Variants in HSD17B13 observed in about 807,000 individuals in gnomAD.
HSD17B13 encodes the protein hydroxysteroid 17-beta dehydrogenase 13.
HSD17B13 carries 26 observed loss-of-function variants against 31.1 expected under a neutral mutation model. The ratio of observed to expected loss-of-function variants is 0.84; its 90% CI spans 0.61 to 1.16. The LOEUF (loss-of-function observed/expected upper bound fraction) is 1.16. Ranked by LOEUF, HSD17B13 falls within the 50% of genes most tolerant of loss-of-function variation. The pLI, the probability that HSD17B13 is intolerant of heterozygous loss-of-function variation, is 0.00. For synonymous variants in HSD17B13, 141 were observed against 133.7 expected (o/e 1.05, Z -0.38); for missense variants, 374 against 366.5 (o/e 1.02, Z -0.17).
chr4:87,322,333 C>T (rs1323094682), intron 1 of HSD17B13, among the ~76,000 whole-genome samples: 1 of 152,204 alleles, frequency 6.6e-6, no homozygotes, highest in African/African-American at 2.4e-5. Context: ...ATCCCCACTT[C>T]AGAGCCAAGA....
chr4:87,321,039 A>AT (rs971162699), intron 1 of HSD17B13, among the ~76,000 whole-genome samples: 24 of 151,666 alleles, frequency 1.6e-4, no homozygotes, highest in African/African-American at 4.4e-4. Context: ...GTCTTTTTTT[A>AT]TTTTTTTTGA....
At position 87,305,186 on chromosome 4, in the gene HSD17B13, C is replaced by G; in HGVS notation, c.*32G>C. ...GATTCGAAACTATTCATATCATTAT[C>G]ATGCATACATCTCTGGCTGGAGCTT... On this transcript the variant is annotated 3_prime_UTR_variant, in exon 7 of 7. Transcript: ENST00000328546. 1 of 1,330,166 alleles carries G rather than the reference C, an allele frequency of 7.5e-7. No individual in the cohort carries two copies. Among genetic ancestry groups the G allele is most frequent in the South Asian group, 1.3e-5 (1 of 79,538 alleles). The allele number at this position is 1,330,166 out of a possible 1,614,324, so 82.4% of individuals were successfully genotyped here.
intron 6 of HSD17B13, among the ~76,000 whole-genome samples, chr4:87,308,485 TAAAAAAAAAAAAAAAAAAAAAA>T (rs893354684): frequency 2.1e-3 from 69 of 33,212 alleles, no homozygotes; most frequent in South Asian, 0.019. Flanking sequence ...CCGTCTCTAC[TAAAAAAAAAAAAAAAAAAAAAA>T]AAAAAAAAAA....
intron 6 of HSD17B13, among the ~76,000 whole-genome samples, chr4:87,307,407 T>C (rs1214282297): frequency 6.6e-6 from 1 of 152,224 alleles, no homozygotes; most frequent in Non-Finnish European, 1.5e-5. Flanking sequence ...TCAATATTAA[T>C]ATGACTTGCT....
At chr4:87,316,049 T>A (rs1734642842) in intron 3 of HSD17B13, among the ~76,000 whole-genome samples, 1 of 152,232 alleles carries the variant, frequency 6.6e-6, no homozygotes, top group Non-Finnish European at 1.5e-5. Context: ...TACACCACAC[T>A]AATGAATCAT....
intron 1 of HSD17B13, among the ~76,000 whole-genome samples, chr4:87,318,952 G>A (rs965030409): frequency 6.6e-6 from 1 of 151,896 alleles, no homozygotes; most frequent in African/African-American, 2.4e-5. Context: ...AGGCCGAGGA[G>A]GGTGGATCAC....
At chr4:87,319,358 G>A (rs1241292829) in intron 1 of HSD17B13, among the ~76,000 whole-genome samples, 1 of 152,130 alleles carries the variant, frequency 6.6e-6, no homozygotes, top group Admixed American at 6.5e-5. Context: ...TTGGTTGGAG[G>A]CTGTACAGTA....
rs531058678 is a variant in HSD17B13 at position 87,304,469 on chromosome 4, G to C, written c.*749C>G. On this transcript the variant is annotated 3_prime_UTR_variant, in exon 7 of 7. Coordinates refer to ENST00000328546, the MANE Select transcript of HSD17B13 (RefSeq NM_178135.5). ...CCTAAAATTGTCTAAACATCTCTGG[G>C]ACCAAGGATATATGAAAGCATAAAT... 3 of 152,060 alleles carry C rather than the reference G, an allele frequency of 2.0e-5. No individual in the cohort carries two copies. Among genetic ancestry groups the C allele is most frequent in the Admixed American group, 6.6e-5 (1 of 15,260 alleles). 9.4% of individuals were successfully genotyped at this position (152,060 alleles called of 1,614,324 possible).
intron 4 of HSD17B13, among the ~76,000 whole-genome samples, chr4:87,314,758 A>T (rs1734613071): frequency 6.6e-6 from 1 of 152,144 alleles, no homozygotes; most frequent in African/African-American, 2.4e-5. Context: ...TGACATAGAC[A>T]TGTGTTCATT....
intron 6 of HSD17B13, among the ~76,000 whole-genome samples, chr4:87,306,714 G>C (rs1474811625): frequency 6.6e-6 from 1 of 151,984 alleles, no homozygotes; most frequent in Non-Finnish European, 1.5e-5. Flanking sequence ...AGACCAGCTT[G>C]ACCAACATGG....
At chr4:87,315,438 T>G in intron 4 of HSD17B13, 55 bp downstream of exon 4, 1 of 1,029,056 alleles carries the variant, frequency 9.7e-7, no homozygotes, top group South Asian at 1.5e-5. Flanking sequence ...ATTTGAAGTG[T>G]AATGCTCCCT....
chr4:87,321,693 T>G (rs1015965383), intron 1 of HSD17B13, among the ~76,000 whole-genome samples: 2 of 152,174 alleles, frequency 1.3e-5, no homozygotes, highest in African/African-American at 4.8e-5. Flanking sequence ...CTTTTTTGTA[T>G]AGTATTCTTC....
chr4:87,306,550 T>C (rs1189767706), intron 6 of HSD17B13, among the ~76,000 whole-genome samples: 1 of 151,822 alleles, frequency 6.6e-6, no homozygotes, highest in African/African-American at 2.4e-5. Context: ...GCTGGGATAG[T>C]GGAGGAAAGC....
chr4:87,322,607 A>G, intron 1 of HSD17B13, 25 bp downstream of exon 1: 2 of 1,471,344 alleles, frequency 1.4e-6, no homozygotes, highest in Non-Finnish European at 1.9e-6. Context: ...TGTGACTTTA[A>G]AAAGTTGGAA....
chr4:87,315,701 C>T, intron 3 of HSD17B13, 102 bp from the exon 4 acceptor site: 1 of 586,730 alleles, frequency 1.7e-6, no homozygotes, highest in Non-Finnish European at 3.0e-6. Context: ...TTTGAGAGAA[C>T]TTATACAATG....
rs116524619 is a variant in HSD17B13, at chr4:87,314,213, G to A, written c.558-253C>T. 3.4e-3 allele frequency among the ~76,000 whole-genome samples: 522 copies of A among 151,874 alleles called. 6 individuals carry two copies. The highest frequency in any genetic ancestry group is 0.012 in the African/African-American group (501 of 41,402). ...AAATAACTCTATTGATTGGCTTAATGTTCAGTTTTCCATCCTACATGTAAG... is the reference window on the plus strand; with the variant it reads ...AAATAACTCTATTGATTGGCTTAATATTCAGTTTTCCATCCTACATGTAAG... On this transcript the variant is annotated intron_variant, in intron 4 of 6. Coordinates refer to ENST00000328546, the MANE Select transcript of HSD17B13 (RefSeq NM_178135.5).
At chr4:87,308,935 A>AAAAAAG (rs1734459815) in intron 6 of HSD17B13, among the ~76,000 whole-genome samples, 1 of 150,968 alleles carries the variant, frequency 6.6e-6, no homozygotes. Flanking sequence ...AATCTACCAA[A>AAAAAAG]AAAAAAAAAG....
At position 87,318,388 on chromosome 4, in the gene HSD17B13, CAGTGACGCCT is replaced by C; in HGVS notation, c.249_258del (p.Gly84ArgfsTer6). The stretch of plus-strand genomic sequence containing the variant: ...CTGCAGTCTACCACATACGCATGCG[CAGTGACGCCT>C]AGTTTTCGGCACTCAGCTGCAGTTT... On this transcript the variant is annotated frameshift_variant, in exon 2 of 7. Transcript: ENST00000328546. LOFTEE classifies it high-confidence loss of function. 1.9e-6 allele frequency: 3 copies of C among 1,614,238 alleles called. No individual in the cohort carries two copies. Among genetic ancestry groups the C allele is most frequent in the South Asian group, 2.2e-5 (2 of 91,090 alleles).
At chr4:87,308,974 G>A (rs1016646463) in intron 6 of HSD17B13, among the ~76,000 whole-genome samples, 2 of 147,596 alleles carry the variant, frequency 1.4e-5, no homozygotes, top group African/African-American at 5.0e-5. Flanking sequence ...AAGAGGTTTA[G>A]CAATTTAGCA....
Sources: gnomAD v4.1 joint callset for allele counts (sites outside exome capture counted in the v4.1 genomes callset) on GRCh38, gnomAD v4.1.1 for gene constraint, MANE v1.5 for transcripts, NCBI Gene and HGNC (gene_info 2026-07-23, HGNC 2026-07-21) for gene names.